Variants in PDE1A observed in about 807,000 individuals in gnomAD.
PDE1A encodes the protein dual specificity calcium/calmodulin-dependent 3',5'-cyclic nucleotide phosphodiesterase 1A.
PDE1A carries 35 observed loss-of-function variants against 61.7 expected under a neutral mutation model. The observed-to-expected ratio is 0.57, with a 90% CI of 0.43 to 0.75. The LOEUF (loss-of-function observed/expected upper bound fraction) is 0.75. Ranked by LOEUF, PDE1A falls within the 30% of genes least tolerant of loss-of-function variation. The pLI, the probability that PDE1A is intolerant of heterozygous loss-of-function variation, is 0.00. For missense variants in PDE1A, 597 were observed against 630.6 expected, an observed-to-expected ratio of 0.95 and a Z score of 0.57; for synonymous variants, 232 against 213.2, an observed-to-expected ratio of 1.09 and a Z score of -0.77.
intron 1 of PDE1A, among the ~76,000 whole-genome samples, chr2:182,388,209 A>G (rs1245262038): frequency 1.3e-5 from 2 of 152,210 alleles, no homozygotes; most frequent in African/African-American, 2.4e-5. Context: ...CTGAAGAGAG[A>G]GACACACTGC....
At chr2:182,564,432 T>C in the PDE1A span, among the ~76,000 whole-genome samples, 1 of 152,252 alleles carries the variant, frequency 6.6e-6, no homozygotes, top group Admixed American at 6.5e-5. Flanking sequence ...CTGCTGTTAG[T>C]CTGATGGGCT....
chr2:182,291,892 T>G (rs962457647), intron 1 of PDE1A, among the ~76,000 whole-genome samples: 3 of 152,150 alleles, frequency 2.0e-5, no homozygotes, highest in Admixed American at 2.0e-4. Flanking sequence ...GTATGCAATT[T>G]GGAGAATAAA....
At chr2:182,355,515 TC>T (rs1248413552) in intron 1 of PDE1A, among the ~76,000 whole-genome samples, 1 of 152,048 alleles carries the variant, frequency 6.6e-6, no homozygotes, top group East Asian at 1.9e-4. Context: ...AGATAATACT[TC>T]AATCTTATTT....
At chr2:182,632,063 G>A in the PDE1A span, among the ~76,000 whole-genome samples, 13 of 152,012 alleles carry the variant, frequency 8.6e-5, no homozygotes, top group Non-Finnish European at 1.8e-4. Flanking sequence ...TTCTCTTCCA[G>A]ACTGAAGTAT....
chr2:182,626,149 C>T, the PDE1A span, among the ~76,000 whole-genome samples: 4 of 152,192 alleles, frequency 2.6e-5, no homozygotes, highest in Admixed American at 6.5e-5. Context: ...TGTAGCTTGA[C>T]ACTTGTCTGA....
At chr2:182,586,340 A>C in the PDE1A span, among the ~76,000 whole-genome samples, 6,994 of 152,192 alleles carry the variant, frequency 0.046, 214 homozygotes, top group Middle Eastern at 0.088. Flanking sequence ...GCACTACTCT[A>C]CTCAGCCCAC....
At chr2:182,550,717 A>G in the PDE1A span, among the ~76,000 whole-genome samples, 1 of 152,118 alleles carries the variant, frequency 6.6e-6, no homozygotes, top group East Asian at 1.9e-4. Context: ...GTGCCAGGTA[A>G]AAGATCAATG....
At chr2:182,573,520 G>A in the PDE1A span, among the ~76,000 whole-genome samples, 10 of 151,988 alleles carry the variant, frequency 6.6e-5, no homozygotes, top group African/African-American at 1.7e-4. Flanking sequence ...CTAAAGGGAC[G>A]CAACAACAAA....
At position 182,218,040 on chromosome 2, in the gene PDE1A, C is replaced by T. The variant is rs1350533351; in HGVS notation, c.776+5824G>A. ...AACCCAAATGTCCAACAATGATAGACTGGATTAAGAAAATGTGGCACATAT... is the reference window on the plus strand; with the variant it reads ...AACCCAAATGTCCAACAATGATAGATTGGATTAAGAAAATGTGGCACATAT... On this transcript the variant is annotated intron_variant, in intron 7 of 13. Transcript: ENST00000351439. 1.8e-3 allele frequency among the ~76,000 whole-genome samples: 260 copies of T among 148,402 alleles called. 1 individual carries two copies. The highest frequency in any genetic ancestry group is 6.0e-3 in the African/African-American group (244 of 40,508).
At chr2:182,531,265 A>C in the PDE1A span, among the ~76,000 whole-genome samples, 3 of 151,908 alleles carry the variant, frequency 2.0e-5, no homozygotes, top group Non-Finnish European at 4.4e-5. Flanking sequence ...AAAAATCAAG[A>C]CTTAAATCCT....
the PDE1A span, among the ~76,000 whole-genome samples, chr2:182,699,445 T>C: frequency 3.3e-5 from 5 of 152,208 alleles, no homozygotes; most frequent in Non-Finnish European, 5.9e-5. Context: ...GTGATTTTGA[T>C]ACCAATAACA....
upstream of PDE1A, among the ~76,000 whole-genome samples, chr2:182,431,121 T>TAAAAAAAAAAAAAAA (rs538631665): frequency 8.2e-6 from 1 of 121,518 alleles, no homozygotes; most frequent in Admixed American, 8.6e-5. Context: ...AAAAAAACAT[T>TAAAAAAAAAAAAAAA]AAAAAAAAAA....
intron 1 of PDE1A, among the ~76,000 whole-genome samples, chr2:182,332,339 A>T (rs1412546965): frequency 6.6e-6 from 1 of 152,054 alleles, no homozygotes; most frequent in Non-Finnish European, 1.5e-5. Flanking sequence ...CCTCTTTCTG[A>T]AGCCTACTTC....
intron 2 of PDE1A, among the ~76,000 whole-genome samples, chr2:182,486,261 T>G (rs1295473633): frequency 1.3e-5 from 2 of 152,060 alleles, no homozygotes; most frequent in Admixed American, 1.3e-4. Context: ...AGTGTAAAAT[T>G]TGTACACTGA....
chr2:182,346,192 T>C (rs974452905), intron 1 of PDE1A, among the ~76,000 whole-genome samples: 22 of 152,178 alleles, frequency 1.4e-4, no homozygotes, highest in African/African-American at 4.8e-4. Flanking sequence ...GTTTTTAAGG[T>C]ATATTATCCC....
chr2:182,368,372 A>T (rs1039492815), intron 1 of PDE1A, among the ~76,000 whole-genome samples: 1 of 125,048 alleles, frequency 8.0e-6, no homozygotes, highest in Non-Finnish European at 1.6e-5. Context: ...CATTTGATTG[A>T]TAAGTTTATG....
intron 1 of PDE1A, among the ~76,000 whole-genome samples, chr2:182,347,175 A>G (rs1338615370): frequency 6.6e-6 from 1 of 152,002 alleles, no homozygotes; most frequent in African/African-American, 2.4e-5. Flanking sequence ...TAGTCAGAAA[A>G]TGTTGATTTA....
intron 1 of PDE1A, among the ~76,000 whole-genome samples, chr2:182,371,999 T>C (rs1700150247): frequency 1.3e-5 from 2 of 152,190 alleles, no homozygotes; most frequent in South Asian, 4.1e-4. Flanking sequence ...TCTTGCCATG[T>C]TGTCCAAGCT....
intron 2 of PDE1A, among the ~76,000 whole-genome samples, chr2:182,248,237 C>T (rs1361924130): frequency 2.5e-5 from 3 of 121,000 alleles, no homozygotes; most frequent in African/African-American, 9.7e-5. Context: ...GCCTGGGCCA[C>T]AAGAGCAAGA....
Sources: allele counts gnomAD v4.1 joint callset (sites outside exome capture counted in the v4.1 genomes callset), GRCh38; gene constraint gnomAD v4.1.1; transcripts MANE v1.5; gene names NCBI Gene and HGNC (gene_info 2026-07-23, HGNC 2026-07-21).